Variants in ENKUR observed in about 807,000 individuals in gnomAD.
ENKUR encodes enkurin.
ENKUR carries 19 observed loss-of-function variants against 27.6 expected under a neutral mutation model. The observed-to-expected ratio is 0.69, with a 90% CI of 0.48 to 1.01. The LOEUF (loss-of-function observed/expected upper bound fraction) is 1.01, where lower values mean the gene tolerates loss of function less well. Among genes scored for constraint, ENKUR ranks in the 50% least tolerant of loss-of-function variants. The pLI is 0.00. For missense variants in ENKUR, 312 were observed against 310.5 expected, an observed-to-expected ratio of 1.00 and a Z score of -0.04; for synonymous variants, 117 against 96.9, an observed-to-expected ratio of 1.21 and a Z score of -1.22.
chr10:25,045,769 T>C (rs1851115156), intron 2 of ENKUR, among the ~76,000 whole-genome samples: 1 of 152,156 alleles, frequency 6.6e-6, no homozygotes, highest in Admixed American at 6.5e-5. Flanking sequence ...ATAAACTTGT[T>C]TATAAAACAA....
chr10:25,054,291 G>A (rs981555673), intron 2 of ENKUR, among the ~76,000 whole-genome samples: 1 of 152,126 alleles, frequency 6.6e-6, no homozygotes, highest in African/African-American at 2.4e-5. Context: ...GCGTGGTGGT[G>A]GATGCCTGTA....
At chr10:25,060,226 A>G (rs906893640) in intron 2 of ENKUR, among the ~76,000 whole-genome samples, 3 of 152,116 alleles carry the variant, frequency 2.0e-5, no homozygotes, top group Non-Finnish European at 4.4e-5. Flanking sequence ...CTCAGACTCT[A>G]AAAATGTGTT....
At chr10:25,021,813 A>G (rs1001175766) in intron 2 of ENKUR, 1 of 152,168 alleles carries the variant, frequency 6.6e-6, no homozygotes, top group African/African-American at 2.4e-5. Flanking sequence ...GGTGTGTCCT[A>G]TGTTTACAAG....
intron 1 of ENKUR, among the ~76,000 whole-genome samples, chr10:25,001,994 A>G (rs1251670066): frequency 1.3e-5 from 2 of 151,892 alleles, no homozygotes; most frequent in Non-Finnish European, 2.9e-5. Flanking sequence ...GGTGTTCTTT[A>G]AATTTCTTCC....
chr10:24,991,073 GGTGTCAGA>G (rs1849918184), intron 3 of ENKUR, among the ~76,000 whole-genome samples: 3 of 152,134 alleles, frequency 2.0e-5, no homozygotes, highest in Admixed American at 2.0e-4. Flanking sequence ...CTCCAGCCTG[GGTGTCAGA>G]GTGTGACTCC....
chr10:25,032,265 T>G (rs1023283327), intron 2 of ENKUR, among the ~76,000 whole-genome samples: 3 of 147,098 alleles, frequency 2.0e-5, no homozygotes, highest in Non-Finnish European at 4.5e-5. Flanking sequence ...TTAGCCTCTT[T>G]AGGCTTCCTG....
At chr10:25,017,692 C>T (rs563989430), upstream of ENKUR, among the ~76,000 whole-genome samples, 1 of 147,700 alleles carries the variant, frequency 6.8e-6, no homozygotes, top group Admixed American at 6.8e-5. Flanking sequence ...CTCCAGATTT[C>T]TTCACATCAG....
chr10:25,001,623 T>C (rs1850191545), intron 1 of ENKUR, among the ~76,000 whole-genome samples: 1 of 152,176 alleles, frequency 6.6e-6, no homozygotes, highest in Non-Finnish European at 1.5e-5. Flanking sequence ...CATCTAAATT[T>C]TCTTTTTCAG....
chr10:25,052,775 T>C (rs1283971935), intron 2 of ENKUR, among the ~76,000 whole-genome samples: 1 of 151,322 alleles, frequency 6.6e-6, no homozygotes, highest in Non-Finnish European at 1.5e-5. Flanking sequence ...TCTCTCTTTT[T>C]TTTCTTTTTT....
intron 3 of ENKUR, among the ~76,000 whole-genome samples, chr10:24,992,854 G>C (rs1300848474): frequency 6.6e-6 from 1 of 152,212 alleles, no homozygotes; most frequent in Admixed American, 6.5e-5. Flanking sequence ...ATTCTGGTCA[G>C]CTGGTGCAGT....
At chr10:24,992,423 C>G (rs544030549) in intron 3 of ENKUR, among the ~76,000 whole-genome samples, 1 of 152,304 alleles carries the variant, frequency 6.6e-6, no homozygotes, top group Non-Finnish European at 1.5e-5. Context: ...ATATTCTGTT[C>G]TCCTTCTAGA....
intron 1 of ENKUR, among the ~76,000 whole-genome samples, chr10:25,011,004 C>T (rs1322009633): frequency 6.7e-6 from 1 of 150,182 alleles, no homozygotes; most frequent in Non-Finnish European, 1.5e-5. Context: ...GTTCTAGATC[C>T]CTGAGGAATC....
rs976858927 is a variant in ENKUR at position 24,982,481 on chromosome 10, A to G, written c.*1889T>C. On this transcript the variant is annotated 3_prime_UTR_variant, in exon 6 of 6. Transcript: ENST00000331161. The stretch of plus-strand genomic sequence containing the variant: ...TTCCTTTGAACAGGAAGAGAAACCA[A>G]GTCAAACTAGCTGCATAATGAAGTT... 3.9e-5 allele frequency: 6 copies of G among 152,224 alleles called. No homozygotes were observed. The highest frequency in any genetic ancestry group is 7.3e-5 in the Non-Finnish European group (5 of 68,048). 9.4% of individuals were successfully genotyped at this position (152,224 alleles called of 1,614,324 possible). A position where few individuals can be genotyped will look rare whatever the true frequency, so the allele number is the denominator to read the frequency against.
exon 2 of ENKUR, chr10:25,061,364 T>C (rs1851325701): frequency 1.1e-5 from 6 of 568,954 alleles, no homozygotes; most frequent in Non-Finnish European, 1.9e-5. Context: ...TTTTGCTTCA[T>C]GGGCTCTGGA....
chr10:24,990,591 C>G lies in ENKUR; in HGVS notation c.466G>C (p.Glu156Gln). The G allele has an allele frequency of 1.9e-6, 3 of 1,602,796 alleles. No individual in the cohort carries two copies. The highest frequency in any genetic ancestry group is 2.5e-6 in the Non-Finnish European group (3 of 1,177,514). ...INKKDYGVTP[E>Q]YICKRNEEIK... ...TCCTCGTTTCGCTTACATATGTATTCAGGTGTGACACCATAATCCTAAAAA... is the reference window on the plus strand; with the variant it reads ...TCCTCGTTTCGCTTACATATGTATTGAGGTGTGACACCATAATCCTAAAAA... The change falls in exon 4 of 6, where the codon GAA becomes CAA. Residue 156 changes from glutamate to glutamine, a missense_variant. Transcript: ENST00000331161.
intron 1 of ENKUR, among the ~76,000 whole-genome samples, chr10:25,001,114 C>A (rs1232571404): frequency 6.6e-6 from 1 of 151,898 alleles, no homozygotes; most frequent in African/African-American, 2.4e-5. Context: ...TTGAAAAAAT[C>A]TTGAATATTT....
Position 25,016,056 on chromosome 10 carries a change from G to C in ENKUR, c.-120C>G. The C allele has an allele frequency of 7.0e-7, 1 of 1,435,842 alleles. No homozygotes were observed. Among genetic ancestry groups the C allele is most frequent in the Non-Finnish European group, 9.2e-7 (1 of 1,089,542 alleles). 88.9% of individuals were successfully genotyped at this position (1,435,842 alleles called of 1,614,324 possible). The stretch of plus-strand genomic sequence containing the variant: ...CTTCTTCGCCTTCTGAAGGACCACA[G>C]GTTCTCTCCTTCACATCGTCCCCCT... On this transcript the variant is annotated 5_prime_UTR_variant, in exon 1 of 6. Transcript: ENST00000331161.
chr10:25,010,059 GT>G (rs1447458283), intron 1 of ENKUR, among the ~76,000 whole-genome samples: 1 of 152,184 alleles, frequency 6.6e-6, no homozygotes, highest in Non-Finnish European at 1.5e-5. Flanking sequence ...ACAGGCAGAG[GT>G]TGGAACAGTT....
chr10:25,021,171 C>T (rs1166756284), intron 2 of ENKUR, among the ~76,000 whole-genome samples: 1 of 152,118 alleles, frequency 6.6e-6, no homozygotes. Context: ...TATTCCTAGC[C>T]CACTGTCAGT....
Sources: gnomAD v4.1 joint callset for allele counts (sites outside exome capture counted in the v4.1 genomes callset) on GRCh38, gnomAD v4.1.1 for gene constraint, MANE v1.5 for transcripts, NCBI Gene and HGNC (gene_info 2026-07-23, HGNC 2026-07-21) for gene names.